PPM1F: variants seen among roughly 807,000 people sequenced by gnomAD.
PPM1F encodes protein phosphatase 1F.
A neutral mutation model predicts 35.5 loss-of-function variants in PPM1F; 17 were observed. That is an observed-to-expected ratio of 0.48 (90% CI 0.33 to 0.72). The LOEUF (loss-of-function observed/expected upper bound fraction) is 0.72. Ranked by LOEUF, PPM1F falls within the 30% of genes least tolerant of loss-of-function variation. The probability of loss-of-function intolerance (pLI) is 0.02; values close to 1 mark genes in which losing one functional copy is unlikely to be tolerated. For synonymous variants in PPM1F, 241 were observed against 255.5 expected (o/e 0.94, Z 0.54); for missense variants, 521 against 613.0 (o/e 0.85, Z 1.59).
rs975356549 is a variant in PPM1F at position 21,919,708 on chromosome 22, C to G, written c.*3384G>C. On this transcript the variant is annotated 3_prime_UTR_variant, in exon 8 of 8. Transcript: ENST00000263212. ...TGCACAGGACTCTGGGGGCTGCCCC[C>G]CTTGAGCTACAGAGGCAGAATCGAA... 6.6e-6 allele frequency: 1 copy of G among 152,340 alleles called. No individual in the cohort carries two copies. Among genetic ancestry groups the G allele is most frequent in the Non-Finnish European group, 1.5e-5 (1 of 68,118 alleles). The allele number at this position is 152,340 out of a possible 1,614,324, so 9.4% of individuals were successfully genotyped here. A position where few individuals can be genotyped will look rare whatever the true frequency, so the allele number is the denominator to read the frequency against.
intron 4 of PPM1F, 126 bp from the exon 5 acceptor site, chr22:21,933,705 G>C: frequency 1.2e-6 from 1 of 849,872 alleles, no homozygotes; most frequent in East Asian, 2.7e-5. Context: ...GCTTATGTGC[G>C]TATGAGGGGG....
In PPM1F at chr22:21,939,718, G is replaced by GCAGGAGACCACACCTA; in HGVS notation, c.207-54_207-39dup. 1 of 1,549,786 alleles carries GCAGGAGACCACACCTA rather than the reference G, an allele frequency of 6.5e-7. No individual in the cohort carries two copies. The highest frequency in any genetic ancestry group is 8.7e-7 in the Non-Finnish European group (1 of 1,146,024). On this transcript the variant is annotated intron_variant, in intron 2 of 7. Coordinates refer to ENST00000263212, the MANE Select transcript of PPM1F (RefSeq NM_014634.4). This position sits in a 1 kb window ranked among gnomAD's most constrained non-coding sequence, Gnocchi z 5.1. Reference sequence around the variant, plus strand: ...AGGGGGAAGTGAGGGGCAGCCCCCAGCAGGAGACCACACCTAGCCCCCCTT... The same window carrying GCAGGAGACCACACCTA: ...AGGGGGAAGTGAGGGGCAGCCCCCAGCAGGAGACCACACCTACAGGAGACCACACCTAGCCCCCCTT...
chr22:21,938,277 C>G (rs1439682271), intron 3 of PPM1F: 1 of 1,280,232 alleles, frequency 7.8e-7, no homozygotes, highest in Admixed American at 2.4e-5. Flanking sequence ...GGTGGCGGCG[C>G]CCCCTTGGTG....
At chr22:21,928,208 T>C (rs188661753) in intron 6 of PPM1F, among the ~76,000 whole-genome samples, 1 of 152,226 alleles carries the variant, frequency 6.6e-6, no homozygotes, top group East Asian at 1.9e-4. Context: ...GAACAGCCAT[T>C]TCCTGCTTCC....
At position 21,939,959 on chromosome 22, in the gene PPM1F, A is replaced by G. The variant is rs2070706909; in HGVS notation, c.207-279T>C. Among the ~76,000 whole-genome samples the G allele has an allele frequency of 6.6e-6, 1 of 152,206 alleles. No homozygotes were observed. Among genetic ancestry groups the G allele is most frequent in the South Asian group, 2.1e-4 (1 of 4,834 alleles). On this transcript the variant is annotated intron_variant, in intron 2 of 7. Transcript: ENST00000263212. The surrounding 1 kb of genome is among the most constrained non-coding windows in gnomAD (Gnocchi z 5.1). The stretch of plus-strand genomic sequence containing the variant: ...CATGCTGATGATGGCTCCTGGCCAC[A>G]GGAGGGCAGAGGAATCACCCATGCC...
intron 1 of PPM1F, chr22:21,948,298 G>GCCCCCCCCCCCCC (rs1238368224): frequency 9.4e-6 from 1 of 106,876 alleles, no homozygotes; most frequent in Non-Finnish European, 1.9e-5. Flanking sequence ...CAGTGAGATC[G>GCCCCCCCCCCCCC]CCACCCCCCC....
chr22:21,944,292 A>G (rs62234965), intron 2 of PPM1F: 18,326 of 152,306 alleles, frequency 0.12, 1,199 homozygotes, highest in African/African-American at 0.14. Flanking sequence ...TGGGTGGCAT[A>G]GCCCTTGCAT....
In PPM1F at chr22:21,923,181, C is replaced by T; in HGVS notation, c.1276G>A (p.Gly426Arg). The change falls in exon 8 of 8, where the codon GGA becomes AGA. Residue 426 changes from glycine (G) to arginine (R), a missense_variant. By Grantham distance (125) the Gly-to-Arg change is moderately radical. Around this residue, in one of 3 missense-constraint regions of PPM1F, gnomAD observed 163 missense variants for 169.6 expected, o/e 0.96. Coordinates refer to ENST00000263212, the MANE Select transcript of PPM1F (RefSeq NM_014634.4). ...PQELLEGGNQ[G>R]EGDPQAEGRR... ...CCTTCTGCCTGGGGGTCCCCTTCTC[C>T]CTGGTTCCCGCCCTCCAGCAGCTCT... 1 of 1,613,704 alleles carries T rather than the reference C, an allele frequency of 6.2e-7. No individual in the cohort carries two copies. Among genetic ancestry groups the T allele is most frequent in the African/African-American group, 1.3e-5 (1 of 75,036 alleles).
intron 5 of PPM1F, among the ~76,000 whole-genome samples, chr22:21,933,070 T>A (rs953594093): frequency 6.6e-6 from 1 of 152,198 alleles, no homozygotes; most frequent in East Asian, 1.9e-4. Flanking sequence ...GGTCCTGGTC[T>A]GTGTCTGTCA....
intron 6 of PPM1F, among the ~76,000 whole-genome samples, chr22:21,927,218 C>T (rs2070526700): frequency 6.6e-6 from 1 of 152,218 alleles, no homozygotes; most frequent in African/African-American, 2.4e-5. Flanking sequence ...GAGCAGGAGA[C>T]AGCCAAGAAG....
intron 1 of PPM1F, chr22:21,951,034 ATTG>A (rs1451920128): frequency 4.6e-5 from 7 of 152,170 alleles, no homozygotes; most frequent in African/African-American, 1.2e-4. Context: ...AATTTTTTTT[ATTG>A]TTGTAAAATA....
At chr22:21,938,979 T>C (rs749464573) in intron 3 of PPM1F, 1 of 155,246 alleles carries the variant, frequency 6.4e-6, no homozygotes, top group African/African-American at 2.4e-5. Flanking sequence ...TCCACCAGCA[T>C]CTAACCATGG....
At chr22:21,940,506 GAC>G (rs2070713602) in intron 2 of PPM1F, 2 of 121,456 alleles carry the variant, frequency 1.6e-5, no homozygotes, top group Non-Finnish European at 3.6e-5. Context: ...GAGGAATTTG[GAC>G]ACAGACACAC....
chr22:21,939,556 C>G lies in PPM1F; in HGVS notation c.331G>C (p.Glu111Gln). The G allele has an allele frequency of 6.3e-7, 1 of 1,585,452 alleles. No homozygotes were observed. The highest frequency in any genetic ancestry group is 8.6e-7 in the Non-Finnish European group (1 of 1,164,532). The change falls in exon 3 of 8, where the codon GAG (glutamate) becomes CAG (glutamine). Residue 111 changes from glutamate to glutamine, a missense_variant. Coordinates refer to ENST00000263212, the MANE Select transcript of PPM1F (RefSeq NM_014634.4). The surrounding 1 kb of genome is among the most constrained non-coding windows in gnomAD (Gnocchi z 5.1). ...EEEEEEEDDDEEEKAPVTLLD... is the reference protein window; with the variant it reads ...EEEEEEEDDDQEEKAPVTLLD... The stretch of plus-strand genomic sequence containing the variant: ...CAGGTCACAGGGGCCTTTTCCTCCT[C>G]GTCATCGTCCTCCTCCTCTTCTTCT...
At chr22:21,934,374 T>C (rs1003944312) in intron 3 of PPM1F, 148 bp from the exon 4 acceptor site, 2 of 628,084 alleles carry the variant, frequency 3.2e-6, no homozygotes, top group African/African-American at 1.9e-5. Flanking sequence ...AACGCGCACA[T>C]GGCAGCCTGT....
At chr22:21,938,151 G>A (rs919285333) in intron 3 of PPM1F, 4 of 1,302,994 alleles carry the variant, frequency 3.1e-6, no homozygotes, top group Admixed American at 2.3e-5. Flanking sequence ...AGGCCTGCAG[G>A]AGCCCCGAGC....
intron 6 of PPM1F, among the ~76,000 whole-genome samples, chr22:21,926,743 C>T (rs1327322920): frequency 6.6e-6 from 1 of 152,170 alleles, no homozygotes; most frequent in Non-Finnish European, 1.5e-5. Flanking sequence ...AACCTCTTGA[C>T]CCCACGCAGC....
chr22:21,931,068 A>G, intron 6 of PPM1F, 80 bp downstream of exon 6: 2 of 1,568,912 alleles, frequency 1.3e-6, no homozygotes, highest in East Asian at 2.3e-5. Context: ...TGAAGTTCCC[A>G]GGCTGGGTGG....
At chr22:21,929,897 G>A (rs1452946601) in intron 6 of PPM1F, among the ~76,000 whole-genome samples, 3 of 152,014 alleles carry the variant, frequency 2.0e-5, no homozygotes, top group African/African-American at 7.3e-5. Flanking sequence ...CAAACCAGAA[G>A]CCACAAAAAG....
Sources: gnomAD v4.1 joint callset for allele counts (sites outside exome capture counted in the v4.1 genomes callset) on GRCh38, gnomAD v4.1.1 for gene constraint, gnomAD v4.1.1 regional missense constraint, Gnocchi (gnomAD v3.1) non-coding constraint, MANE v1.5 for transcripts, NCBI Gene and HGNC (gene_info 2026-07-23, HGNC 2026-07-21) for gene names.